PRMT9: variants seen among roughly 807,000 people sequenced by gnomAD.
The protein encoded by PRMT9 is protein arginine N-methyltransferase 9.
A neutral mutation model predicts 83.2 loss-of-function variants in PRMT9; 59 were observed. The observed-to-expected ratio is 0.71, with a 90% confidence interval of 0.57 to 0.88. The LOEUF (loss-of-function observed/expected upper bound fraction) is 0.88. Among genes scored for constraint, PRMT9 ranks in the 40% least tolerant of loss-of-function variants. PRMT9 has a pLI of 0.00. For missense variants in PRMT9, 947 were observed against 1,021.9 expected (o/e 0.93, Z 1.00); for synonymous variants, 333 against 353.2 (o/e 0.94, Z 0.64).
chr4:147,682,932 T>C (rs1005850405), intron 1 of PRMT9, among the ~76,000 whole-genome samples: 2 of 152,150 alleles, frequency 1.3e-5, no homozygotes, highest in Admixed American at 1.3e-4. Flanking sequence ...CAAAGAATTA[T>C]CCCATTCAAA....
chr4:147,673,000 C>A lies in PRMT9; in HGVS notation c.702G>T (p.Thr234=). The A allele has an allele frequency of 6.2e-7, 1 of 1,613,870 alleles. No individual in the cohort carries two copies. Among genetic ancestry groups the A allele is most frequent in the Non-Finnish European group, 8.5e-7 (1 of 1,179,888 alleles). Residue 234 remains threonine, a synonymous_variant, in exon 4 of 12, where the codon ACG becomes ACT. Coordinates refer to ENST00000322396, the MANE Select transcript of PRMT9 (RefSeq NM_138364.4). Reference sequence around the variant, plus strand: ...TTGGAATCTCTATGTCAAGTGACTTCGTATGTAAGAGTTTGATCCCTGCTT... The same window carrying A: ...TTGGAATCTCTATGTCAAGTGACTTAGTATGTAAGAGTTTGATCCCTGCTT... The part of the protein sequence containing the change: ...KMEAGIKLLH[T]KSLDIEIPKH...
At position 147,639,098 on chromosome 4, in the gene PRMT9, A is replaced by G. The variant is rs1385674737; in HGVS notation, c.2200-16T>C. On this transcript the variant is annotated splice_polypyrimidine_tract_variant and intron_variant, in intron 10 of 11. Coordinates refer to ENST00000322396, the MANE Select transcript of PRMT9 (RefSeq NM_138364.4). ...GTATAGGTACCTAGAGAAAGTATAA[A>G]TTTTTCACTTTCACTTTTTCTTTTT... The G allele has an allele frequency of 1.2e-6, 2 of 1,612,786 alleles. No homozygotes were observed. The highest frequency in any genetic ancestry group is 1.7e-5 in the Admixed American group (1 of 59,988).
intron 7 of PRMT9, 59 bp from the exon 8 acceptor site, chr4:147,658,034 G>T: frequency 8.6e-7 from 1 of 1,166,684 alleles, no homozygotes. Flanking sequence ...ACTTGCCTCA[G>T]TATCTTACCA....
At position 147,654,426 on chromosome 4, in the gene PRMT9, A is replaced by G; in HGVS notation, c.1471T>C (p.Leu491=). ...AGTTCAGCCTCATTTCCTAACGATA[A>G]CAAGTCTTTATTCTGGGTAAAACTT... The part of the protein sequence containing the change: ...AKSFTQNKDL[L]SLGNEAELCS... The change falls in exon 9 of 12, where the codon TTA becomes CTA. Residue 491 remains leucine, a synonymous_variant. Coordinates refer to ENST00000322396, the MANE Select transcript of PRMT9 (RefSeq NM_138364.4). The G allele has an allele frequency of 1.2e-6, 2 of 1,614,140 alleles. No individual in the cohort carries two copies. Among genetic ancestry groups the G allele is most frequent in the East Asian group, 2.2e-5 (1 of 44,892 alleles).
At chr4:147,682,305 G>A (rs527613720) in intron 1 of PRMT9, among the ~76,000 whole-genome samples, 74 of 152,180 alleles carry the variant, frequency 4.9e-4, no homozygotes, top group African/African-American at 1.7e-3. Context: ...TCAGCCTCTC[G>A]AGTAGCTGTG....
At chr4:147,662,051 A>C (rs1735000125) in intron 6 of PRMT9, among the ~76,000 whole-genome samples, 1 of 152,156 alleles carries the variant, frequency 6.6e-6, no homozygotes, top group Admixed American at 6.5e-5. Context: ...AAATTAATAC[A>C]TATTATCACC....
intron 8 of PRMT9, among the ~76,000 whole-genome samples, chr4:147,656,111 A>G (rs1209302799): frequency 3.9e-5 from 6 of 152,190 alleles, no homozygotes; most frequent in Non-Finnish European, 7.4e-5. Context: ...CCAGGAAGGA[A>G]TGAGTAAGTA....
intron 2 of PRMT9, among the ~76,000 whole-genome samples, chr4:147,676,430 AG>A (rs1200845934): frequency 1.3e-5 from 2 of 152,232 alleles, no homozygotes; most frequent in African/African-American, 2.4e-5. Flanking sequence ...TCATAAAAAA[AG>A]ATTTTTAAAA....
Position 147,639,054 on chromosome 4 carries a change from GATAGGTCCAAAAATACACGT to G in PRMT9, c.2208_2227del (p.Arg737LeufsTer27). 1 of 1,613,300 alleles carries G rather than the reference GATAGGTCCAAAAATACACGT, an allele frequency of 6.2e-7. No homozygotes were observed. Among genetic ancestry groups the G allele is most frequent in the Non-Finnish European group, 8.5e-7 (1 of 1,179,428 alleles). On this transcript the variant is annotated frameshift_variant, in exon 11 of 12. Coordinates refer to ENST00000322396, the MANE Select transcript of PRMT9 (RefSeq NM_138364.4). LOFTEE classifies it high-confidence loss of function. ...GCTTAAAGGTATACAGGGCAATGAGGATAGGTCCAAAAATACACGTATAGGTACCTAGAGAAAGTATAAAT... is the reference window on the plus strand; with the variant it reads ...GCTTAAAGGTATACAGGGCAATGAGGATAGGTACCTAGAGAAAGTATAAAT...
chr4:147,674,072 A>G (rs1735912649), intron 2 of PRMT9, among the ~76,000 whole-genome samples, 198 bp from the exon 3 acceptor site: 2 of 152,148 alleles, frequency 1.3e-5, no homozygotes, highest in Admixed American at 6.6e-5. Context: ...GAACCACTAC[A>G]TTTATATATT....
chr4:147,652,535 A>G (rs1441455123), intron 9 of PRMT9, among the ~76,000 whole-genome samples: 1 of 152,090 alleles, frequency 6.6e-6, no homozygotes, highest in Non-Finnish European at 1.5e-5. Flanking sequence ...TTTAAAACCT[A>G]TGAACCTATA....
At chr4:147,664,384 T>C (rs184286182) in intron 6 of PRMT9, among the ~76,000 whole-genome samples, 1 of 152,358 alleles carries the variant, frequency 6.6e-6, no homozygotes, top group African/African-American at 2.4e-5. Flanking sequence ...CCTTTCATCT[T>C]AAACAGTTCT....
chr4:147,679,041 T>C (rs532587430), intron 2 of PRMT9, among the ~76,000 whole-genome samples: 1 of 152,348 alleles, frequency 6.6e-6, no homozygotes, highest in African/African-American at 2.4e-5. Context: ...TATCAACTTA[T>C]TGCCAAATTC....
chr4:147,669,475 T>TG (rs540712755), intron 5 of PRMT9, among the ~76,000 whole-genome samples: 3 of 151,782 alleles, frequency 2.0e-5, no homozygotes, highest in East Asian at 1.9e-4. Flanking sequence ...AGAGGGAGGA[T>TG]GGGGGGGAAA....
rs760339740 is a variant in PRMT9, at chr4:147,683,962, C to T, written c.26G>A (p.Arg9His). Reference sequence around the variant, plus strand: ...CCCAGCGCCACCCCCGGCGTCTCGGCGGGACCTGGGCCGCGAGTTCGACAT... The same window carrying T: ...CCCAGCGCCACCCCCGGCGTCTCGGTGGGACCTGGGCCGCGAGTTCGACAT... MSNSRPRS[R>H]RDAGGGAGAA... is the part of the protein sequence containing the mutation. Residue 9 changes from arginine to histidine, a missense_variant, in exon 1 of 12, where the codon CGC becomes CAC. Physicochemically the swap from Arg to His is conservative, Grantham distance 29. Transcript: ENST00000322396. 5 of 1,612,886 alleles carry T rather than the reference C, an allele frequency of 3.1e-6. No individual in the cohort carries two copies. The East Asian group carries it at 1.1e-4, about 36-fold the overall frequency.
intron 10 of PRMT9, chr4:147,639,358 T>C: frequency 2.7e-6 from 1 of 371,586 alleles, no homozygotes; most frequent in South Asian, 2.6e-5. Flanking sequence ...CCTGTAGATC[T>C]TTCATTTGGA....
intron 10 of PRMT9, among the ~76,000 whole-genome samples, chr4:147,641,694 C>T (rs1578873286): frequency 1.3e-5 from 2 of 152,282 alleles, no homozygotes; most frequent in African/African-American, 4.8e-5. Flanking sequence ...AAATTTGTTA[C>T]TCTATCACCC....
At chr4:147,663,623 C>T (rs1735122903) in intron 6 of PRMT9, among the ~76,000 whole-genome samples, 1 of 152,166 alleles carries the variant, frequency 6.6e-6, no homozygotes, top group South Asian at 2.1e-4. Context: ...ACCTTTGCCT[C>T]CCAAAGTCAT....
chr4:147,681,264 A>T (rs1187351257), intron 1 of PRMT9, among the ~76,000 whole-genome samples: 1 of 152,216 alleles, frequency 6.6e-6, no homozygotes, highest in Non-Finnish European at 1.5e-5. Flanking sequence ...CCACAGTTAC[A>T]ACCTAATCTG....
Sources: allele counts gnomAD v4.1 joint callset (sites outside exome capture counted in the v4.1 genomes callset), GRCh38; gene constraint gnomAD v4.1.1; transcripts MANE v1.5; gene names NCBI Gene and HGNC (gene_info 2026-07-23, HGNC 2026-07-21).